PSD3: variants seen among roughly 807,000 people sequenced by gnomAD.
PSD3 encodes PH and SEC7 domain-containing protein 3.
A neutral mutation model predicts 105.5 loss-of-function variants in PSD3; 49 were observed. The observed-to-expected ratio is 0.46, with a 90% CI of 0.37 to 0.59. The LOEUF is 0.59. PSD3 is among the 20% of genes least tolerant of loss of function. The pLI, the probability that PSD3 is intolerant of heterozygous loss-of-function variation, is 0.00. For synonymous variants in PSD3, 557 were observed against 457.8 expected (o/e 1.22, Z -2.77); for missense variants, 1,561 against 1,263.8 (o/e 1.24, Z -3.57).
chr8:18,761,314 C>T (rs1000633435), intron 9 of PSD3, among the ~76,000 whole-genome samples: 5 of 152,122 alleles, frequency 3.3e-5, no homozygotes, highest in Non-Finnish European at 7.4e-5. Flanking sequence ...TGACTACTGC[C>T]GCTAATCTCA....
At chr8:19,011,905 A>T (rs760672990) in intron 1 of PSD3, among the ~76,000 whole-genome samples, 74 of 152,328 alleles carry the variant, frequency 4.9e-4, no homozygotes, top group Admixed American at 1.9e-3. Context: ...GAACACACAA[A>T]CAGATATTTA....
intron 15 of PSD3, among the ~76,000 whole-genome samples, chr8:18,548,151 T>C (rs1229157089): frequency 6.6e-6 from 1 of 152,180 alleles, no homozygotes; most frequent in Non-Finnish European, 1.5e-5. Context: ...CCAGAATTTG[T>C]TTGGGTTGTT....
chr8:18,957,265 G>A (rs1439168615), intron 1 of PSD3, among the ~76,000 whole-genome samples: 1 of 152,036 alleles, frequency 6.6e-6, no homozygotes, highest in Non-Finnish European at 1.5e-5. Flanking sequence ...CAGCTACTCG[G>A]GAGGCTGAGG....
intron 1 of PSD3, among the ~76,000 whole-genome samples, chr8:19,008,950 T>A (rs73594616): frequency 0.022 from 3,412 of 152,330 alleles, 141 homozygotes; most frequent in African/African-American, 0.078. Context: ...GTCAACACCC[T>A]CTGTGGTTGA....
At chr8:18,590,598 C>T (rs1471202172) in intron 12 of PSD3, among the ~76,000 whole-genome samples, 2 of 152,024 alleles carry the variant, frequency 1.3e-5, no homozygotes, top group African/African-American at 2.4e-5. Flanking sequence ...ACAGTTCCTA[C>T]CATGTGCCCC....
chr8:18,750,846 G>C (rs1476929157), intron 9 of PSD3, among the ~76,000 whole-genome samples: 1 of 152,148 alleles, frequency 6.6e-6, no homozygotes, highest in Admixed American at 6.5e-5. Context: ...CCCTGAGCTA[G>C]ACACAGGGTG....
At chr8:18,967,621 T>G (rs1824358269) in intron 1 of PSD3, among the ~76,000 whole-genome samples, 1 of 152,256 alleles carries the variant, frequency 6.6e-6, no homozygotes, top group Admixed American at 6.5e-5. Context: ...TCTTAGAACC[T>G]TTGACCATCA....
chr8:18,885,581 G>A (rs1027003611), intron 2 of PSD3, among the ~76,000 whole-genome samples: 3 of 152,126 alleles, frequency 2.0e-5, no homozygotes, highest in African/African-American at 4.8e-5. Context: ...CAGATGTTAG[G>A]TGCAGTGGTA....
chr8:18,776,392 T>TG (rs1554497028), intron 8 of PSD3, among the ~76,000 whole-genome samples: 7 of 148,568 alleles, frequency 4.7e-5, no homozygotes, highest in Non-Finnish European at 1.0e-4. Flanking sequence ...AATTTTTTTT[T>TG]TTTGTTTTTG....
At chr8:18,613,586 C>A (rs899343076) in intron 11 of PSD3, among the ~76,000 whole-genome samples, 1 of 152,048 alleles carries the variant, frequency 6.6e-6, no homozygotes, top group African/African-American at 2.4e-5. Flanking sequence ...TTTTTTGAAT[C>A]TTAATGAATG....
At chr8:18,912,988 G>A (rs1191500601) in intron 2 of PSD3, among the ~76,000 whole-genome samples, 5 of 150,368 alleles carry the variant, frequency 3.3e-5, no homozygotes, top group Non-Finnish European at 7.4e-5. Context: ...CTTAAGAAAC[G>A]GCCACCATCT....
At chr8:18,639,415 T>G (rs1807486343) in intron 10 of PSD3, among the ~76,000 whole-genome samples, 1 of 152,156 alleles carries the variant, frequency 6.6e-6, no homozygotes, top group Admixed American at 6.5e-5. Context: ...GTGCCCCATT[T>G]CCCTTTTATT....
At position 18,840,049 on chromosome 8, in the gene PSD3, A is replaced by G. The variant is rs540642057; in HGVS notation, c.1634+27625T>C. Among the ~76,000 whole-genome samples the G allele has an allele frequency of 3.9e-5, 6 of 152,312 alleles. No individual in the cohort carries two copies. The South Asian group carries it at 1.2e-3, about 32-fold the overall frequency. Reference sequence around the variant, plus strand: ...AAAATACTGGCTTGTGCTTAGTAGAAAGTAGTCATTCCATGGACCTTTAAG... The same window carrying G: ...AAAATACTGGCTTGTGCTTAGTAGAGAGTAGTCATTCCATGGACCTTTAAG... On this transcript the variant is annotated intron_variant, in intron 4 of 15. Transcript: ENST00000327040.
chr8:18,983,348 C>T (rs1825336091), intron 1 of PSD3, among the ~76,000 whole-genome samples: 1 of 152,226 alleles, frequency 6.6e-6, no homozygotes, highest in African/African-American at 2.4e-5. Context: ...TTATCTTTCA[C>T]ATATTCACTG....
At chr8:18,709,899 A>ATT (rs1316795766) in intron 9 of PSD3, among the ~76,000 whole-genome samples, 41 of 152,356 alleles carry the variant, frequency 2.7e-4, no homozygotes, top group Middle Eastern at 3.4e-3. Flanking sequence ...ATCAAAGAAA[A>ATT]AACACTGAAA....
intron 12 of PSD3, among the ~76,000 whole-genome samples, chr8:18,594,663 C>A (rs945507173): frequency 6.6e-6 from 1 of 151,060 alleles, no homozygotes; most frequent in African/African-American, 2.4e-5. Context: ...GAGATTTGTT[C>A]TAGGACCCCT....
chr8:18,691,546 T>C (rs1800973321), intron 9 of PSD3, among the ~76,000 whole-genome samples: 1 of 152,234 alleles, frequency 6.6e-6, no homozygotes, highest in South Asian at 2.1e-4. Context: ...GTATTCTTAA[T>C]TCTAGCCCAA....
intron 8 of PSD3, among the ~76,000 whole-genome samples, chr8:18,793,013 A>G (rs906076054): frequency 1.3e-5 from 2 of 152,216 alleles, no homozygotes; most frequent in African/African-American, 4.8e-5. Context: ...TGATGAGTTC[A>G]TATGCTTTGT....
chr8:19,038,564 GATCC>G (rs1168879796), intron 1 of PSD3, among the ~76,000 whole-genome samples: 1 of 152,118 alleles, frequency 6.6e-6, no homozygotes, highest in Non-Finnish European at 1.5e-5. Context: ...GGGCTCAAGC[GATCC>G]CCCTGTCTCA....
Sources: allele counts gnomAD v4.1 joint callset (sites outside exome capture counted in the v4.1 genomes callset), GRCh38; gene constraint gnomAD v4.1.1; transcripts MANE v1.5; gene names NCBI Gene and HGNC (gene_info 2026-07-23, HGNC 2026-07-21).